NEIL2: variants seen among roughly 807,000 people sequenced by gnomAD.
NEIL2 encodes endonuclease 8-like 2.
In NEIL2, 23 loss-of-function variants were observed where a neutral mutation model predicts 22.2. The ratio of observed to expected loss-of-function variants is 1.04; its 90% CI spans 0.75 to 1.47. The LOEUF is 1.47. Ranked by LOEUF, NEIL2 falls within the 40% of genes most tolerant of loss-of-function variation. NEIL2 has a pLI of 0.00. For missense variants in NEIL2, 583 were observed against 404.7 expected (o/e 1.44, Z -3.78); for synonymous variants, 229 against 164.8 (o/e 1.39, Z -2.99).
chr8:11,775,866 C>T (rs1397476975), intron 2 of NEIL2, among the ~76,000 whole-genome samples: 1 of 152,264 alleles, frequency 6.6e-6, no homozygotes, highest in African/African-American at 2.4e-5. Context: ...GTCCATATCA[C>T]TATCAGCATT....
chr8:11,774,345 C>T (rs182628259), intron 2 of NEIL2, among the ~76,000 whole-genome samples: 63 of 152,264 alleles, frequency 4.1e-4, no homozygotes, highest in African/African-American at 1.4e-3. Context: ...TGCGCTCCAG[C>T]CTCAGCAACA....
intron 3 of NEIL2, among the ~76,000 whole-genome samples, chr8:11,780,522 G>C (rs528515051): frequency 6.6e-6 from 1 of 152,142 alleles, no homozygotes; most frequent in South Asian, 2.1e-4. Flanking sequence ...TGGGACTACA[G>C]GTGCGTGCCA....
At chr8:11,771,390 A>T (rs1803420948) in intron 1 of NEIL2, 56 bp from the exon 2 acceptor site, 3 of 1,608,276 alleles carry the variant, frequency 1.9e-6, no homozygotes, top group African/African-American at 2.7e-5. Flanking sequence ...CCTGTTAAAG[A>T]TGCTAGAGAT....
intron 4 of NEIL2, among the ~76,000 whole-genome samples, chr8:11,785,230 A>C (rs1364698940): frequency 6.8e-6 from 1 of 148,116 alleles, no homozygotes; most frequent in Non-Finnish European, 1.5e-5. Context: ...GGGTCTTGCC[A>C]TGTTGCCCAG....
At chr8:11,773,824 A>C (rs1200125409) in intron 2 of NEIL2, among the ~76,000 whole-genome samples, 2 of 152,120 alleles carry the variant, frequency 1.3e-5, no homozygotes, top group African/African-American at 4.8e-5. Flanking sequence ...GACTCAGAAA[A>C]ATGGCTACTC....
chr8:11,777,054 G>T (rs1475788900), intron 2 of NEIL2, among the ~76,000 whole-genome samples: 1 of 152,020 alleles, frequency 6.6e-6, no homozygotes, highest in East Asian at 1.9e-4. Flanking sequence ...TGTCTCCTCT[G>T]CCCTCCACTC....
chr8:11,772,945 G>C lies in NEIL2; in HGVS notation c.138+1360G>C, dbSNP rs979630505. On this transcript the variant is annotated intron_variant, in intron 2 of 4. Coordinates refer to ENST00000284503, the MANE Select transcript of NEIL2 (RefSeq NM_145043.4). ...CACCCCCGCAACACACACACACAGA[G>C]GTTTTAAAACCGTTGTTAGTTAGAA... 7.2e-5 allele frequency among the ~76,000 whole-genome samples: 11 copies of C among 151,962 alleles called. No homozygotes were observed. The East Asian group carries it at 2.1e-3, about 29-fold the overall frequency.
At chr8:11,774,298 C>G (rs1025564439) in intron 2 of NEIL2, among the ~76,000 whole-genome samples, 1 of 151,558 alleles carries the variant, frequency 6.6e-6, no homozygotes, top group Non-Finnish European at 1.5e-5. Flanking sequence ...TTGCTTGAAC[C>G]CAGGAGACAG....
rs548743786 is a variant in NEIL2 at position 11,770,229 on chromosome 8, C to G, written c.-109C>G. The stretch of plus-strand genomic sequence containing the variant: ...GTCCATCTCCATAAAAATCCCTAAA[C>G]GAAACATGCCCACGTGTCCGGAGAT... On this transcript the variant is annotated 5_prime_UTR_variant, in exon 1 of 5. Transcript: ENST00000284503. The G allele has an allele frequency of 5.3e-5, 8 of 152,336 alleles. 1 individual carries two copies. The South Asian group carries it at 1.7e-3, about 32-fold the overall frequency. 9.4% of individuals were successfully genotyped at this position (152,336 alleles called of 1,614,324 possible).
intron 2 of NEIL2, among the ~76,000 whole-genome samples, 200 bp downstream of exon 2, chr8:11,771,785 G>A (rs1236552839): frequency 1.3e-5 from 2 of 152,160 alleles, no homozygotes; most frequent in African/African-American, 4.8e-5. Context: ...TAAAGAACAC[G>A]TGTGGATGAG....
Position 11,783,042 on chromosome 8 carries a change from T to A in NEIL2, c.492-161T>A, listed in dbSNP as rs1418488818. 5.6e-6 allele frequency: 4 copies of A among 709,690 alleles called. No individual in the cohort carries two copies. The East Asian group carries it at 1.1e-4, about 19-fold the overall frequency. 44.0% of individuals were successfully genotyped at this position (709,690 alleles called of 1,614,324 possible). ...TGCTCTGACTATACTGTGGTAACGA[T>A]GTGGGGATGTCTGTATGTGTGTATG... is the stretch of plus-strand genomic sequence containing the variant. On this transcript the variant is annotated intron_variant, in intron 3 of 4. Coordinates refer to ENST00000284503, the MANE Select transcript of NEIL2 (RefSeq NM_145043.4).
At chr8:11,782,694 T>A (rs1804527987) in intron 3 of NEIL2, 1 of 196,494 alleles carries the variant, frequency 5.1e-6, no homozygotes, top group Non-Finnish European at 1.1e-5. Context: ...AAATCAAAAA[T>A]TAAAAGTGAA....
At chr8:11,782,820 G>C in intron 3 of NEIL2, 1 of 346,600 alleles carries the variant, frequency 2.9e-6, no homozygotes, top group Non-Finnish European at 5.6e-6. Context: ...CAGCCACAGA[G>C]TGTGCTTGGA....
chr8:11,774,875 C>T (rs998693675), intron 2 of NEIL2, among the ~76,000 whole-genome samples: 2 of 152,246 alleles, frequency 1.3e-5, no homozygotes, highest in South Asian at 2.1e-4. Flanking sequence ...ATCCAGGGCA[C>T]GCTGATGCAA....
At chr8:11,781,746 G>C (rs189404008) in intron 3 of NEIL2, among the ~76,000 whole-genome samples, 1 of 151,912 alleles carries the variant, frequency 6.6e-6, no homozygotes, top group African/African-American at 2.4e-5. Flanking sequence ...TATCTACTTT[G>C]TTGGTCTTTG....
intron 4 of NEIL2, among the ~76,000 whole-genome samples, chr8:11,785,650 C>G (rs1804852107): frequency 1.3e-5 from 2 of 152,204 alleles, no homozygotes; most frequent in Admixed American, 6.5e-5. Context: ...GGCTGAGGAG[C>G]TTGTCAGGGT....
At chr8:11,774,868 C>G (rs953230162) in intron 2 of NEIL2, among the ~76,000 whole-genome samples, 1 of 152,240 alleles carries the variant, frequency 6.6e-6, no homozygotes, top group Non-Finnish European at 1.5e-5. Flanking sequence ...GTCTCTCATC[C>G]AGGGCACGCT....
intron 4 of NEIL2, among the ~76,000 whole-genome samples, 157 bp from the exon 5 acceptor site, chr8:11,785,806 C>G (rs1284036493): frequency 6.6e-6 from 1 of 152,146 alleles, no homozygotes; most frequent in Non-Finnish European, 1.5e-5. Context: ...ATTGTCAACT[C>G]CATTTTACAG....
intron 4 of NEIL2, among the ~76,000 whole-genome samples, chr8:11,784,836 A>G (rs1045760684): frequency 1.3e-5 from 2 of 152,078 alleles, no homozygotes; most frequent in Admixed American, 1.3e-4. Context: ...CTCCCGAAAC[A>G]CTTTCTACAT....
Sources: gnomAD v4.1 joint callset for allele counts (sites outside exome capture counted in the v4.1 genomes callset) on GRCh38, gnomAD v4.1.1 for gene constraint, MANE v1.5 for transcripts, NCBI Gene and HGNC (gene_info 2026-07-23, HGNC 2026-07-21) for gene names.